PARD6G: variants seen among roughly 807,000 people sequenced by gnomAD.
The protein encoded by PARD6G is par-6 family cell polarity regulator gamma.
Under a neutral mutation model 10.7 loss-of-function variants are expected in PARD6G, and 7 were observed. The ratio of observed to expected loss-of-function variants is 0.66; its 90% CI spans 0.37 to 1.23. The LOEUF (loss-of-function observed/expected upper bound fraction) is 1.23. Ranked by LOEUF, PARD6G falls within the 50% of genes most tolerant of loss-of-function variation. The pLI, the probability that PARD6G is intolerant of heterozygous loss-of-function variation, is 0.02. For missense variants in PARD6G, 548 were observed against 571.8 expected, an observed-to-expected ratio of 0.96 and a Z score of 0.42; for synonymous variants, 287 against 269.4, an observed-to-expected ratio of 1.07 and a Z score of -0.64.
intron 1 of PARD6G, among the ~76,000 whole-genome samples, chr18:80,227,613 C>G (rs1223886046): frequency 1.3e-5 from 2 of 152,262 alleles, no homozygotes; most frequent in East Asian, 1.9e-4. Flanking sequence ...CAGCTCCCTT[C>G]TTCTGGTCAA....
rs969882633 is a variant in PARD6G, at chr18:80,189,764, G to A, written c.295+12946C>T. 1.3e-5 allele frequency among the ~76,000 whole-genome samples: 2 copies of A among 152,124 alleles called. No individual in the cohort carries two copies. The highest frequency in any genetic ancestry group is 6.5e-5 in the Admixed American group (1 of 15,282). On this transcript the variant is annotated intron_variant, in intron 2 of 2. Transcript: ENST00000353265. The surrounding 1 kb of genome is among the most constrained non-coding windows in gnomAD (Gnocchi z 5.5). ...ATGAGACCCGACCTCTCCTTCCAGA[G>A]AGAAGGTCAAGCACCAAGCAGAACT...
intron 1 of PARD6G, among the ~76,000 whole-genome samples, chr18:80,239,082 T>TA (rs1280526730): frequency 6.6e-6 from 1 of 152,132 alleles, no homozygotes; most frequent in Non-Finnish European, 1.5e-5. Flanking sequence ...CCTCCCCTCT[T>TA]AGACTCCTCT....
chr18:80,159,835 G>T lies in PARD6G; in HGVS notation c.1067C>A (p.Pro356His). 6.7e-7 allele frequency: 1 copy of T among 1,491,598 alleles called. No homozygotes were observed. The allele number at this position is 1,491,598 out of a possible 1,614,324, so 92.4% of individuals were successfully genotyped here. The change falls in exon 3 of 3, where the codon CCC (proline) becomes CAC (histidine). Residue 356 changes from proline to histidine, a missense_variant. Around this residue, in one of 2 missense-constraint regions of PARD6G, gnomAD observed 313 missense variants for 279.9 expected, o/e 1.12. Coordinates refer to ENST00000353265, the MANE Select transcript of PARD6G (RefSeq NM_032510.4). ...TGGCGGCAGCGCCAGGCTGTGACGG[G>T]GGTCGGCCCGCAGGGAGCTGAGCAG... ...QRLLSSLRADPRHSLALPPGG... is the reference protein window; with the variant it reads ...QRLLSSLRADHRHSLALPPGG...
At chr18:80,169,383 T>G (rs917577494) in intron 2 of PARD6G, 3 of 152,280 alleles carry the variant, frequency 2.0e-5, no homozygotes, top group Non-Finnish European at 4.4e-5. Flanking sequence ...CAGCACTGCT[T>G]TGCCTCCCTT....
chr18:80,243,868 G>A (rs1967515043), intron 1 of PARD6G, among the ~76,000 whole-genome samples: 1 of 152,164 alleles, frequency 6.6e-6, no homozygotes, highest in African/African-American at 2.4e-5. Flanking sequence ...CCGAGGGCAT[G>A]AGCAGCGGGC....
chr18:80,186,690 C>A (rs905255691), intron 2 of PARD6G, among the ~76,000 whole-genome samples: 2 of 152,182 alleles, frequency 1.3e-5, no homozygotes, highest in Non-Finnish European at 2.9e-5. Context: ...CAAGCAAGTG[C>A]TAATCAGCAT....
At chr18:80,226,711 C>T (rs1298463828) in intron 1 of PARD6G, among the ~76,000 whole-genome samples, 3 of 152,054 alleles carry the variant, frequency 2.0e-5, no homozygotes, top group Non-Finnish European at 2.9e-5. Flanking sequence ...TTATAATGTG[C>T]CCCCAGAGAT....
rs181845891 is a variant in PARD6G, at chr18:80,158,736, T to C, written c.*1035A>G. On this transcript the variant is annotated 3_prime_UTR_variant, in exon 3 of 3. Coordinates refer to ENST00000353265, the MANE Select transcript of PARD6G (RefSeq NM_032510.4). ...GGTGGCATGTGCCTGTCCCAGCTCCTTGGGAGGCTGAGGCAGGAGAATTGC... is the reference window on the plus strand; with the variant it reads ...GGTGGCATGTGCCTGTCCCAGCTCCCTGGGAGGCTGAGGCAGGAGAATTGC... 2.4e-3 allele frequency: 362 copies of C among 152,540 alleles called. 1 individual carries two copies. Among genetic ancestry groups the C allele is most frequent in the Non-Finnish European group, 3.8e-3 (259 of 68,312 alleles). The allele number at this position is 152,540 out of a possible 1,614,324, so 9.4% of individuals were successfully genotyped here.
chr18:80,176,782 C>T (rs1353760613), intron 2 of PARD6G, among the ~76,000 whole-genome samples: 2 of 152,162 alleles, frequency 1.3e-5, no homozygotes, highest in Non-Finnish European at 2.9e-5. Context: ...TCCCTGGTGC[C>T]GCGGCGGCCA....
In PARD6G at chr18:80,189,050, G is replaced by C. The variant is rs779893560; in HGVS notation, c.295+13660C>G. 2.0e-5 allele frequency among the ~76,000 whole-genome samples: 3 copies of C among 152,200 alleles called. No homozygotes were observed. The highest frequency in any genetic ancestry group is 2.9e-5 in the Non-Finnish European group (2 of 68,040). On this transcript the variant is annotated intron_variant, in intron 2 of 2. Coordinates refer to ENST00000353265, the MANE Select transcript of PARD6G (RefSeq NM_032510.4). This position sits in a 1 kb window ranked among gnomAD's most constrained non-coding sequence, Gnocchi z 5.5. ...ACCCAGTTCTAGGGGCTGCCCACGT[G>C]TCACTTCCACCCCAGATCTGGCTTC... is the stretch of plus-strand genomic sequence containing the variant.
intron 2 of PARD6G, among the ~76,000 whole-genome samples, chr18:80,179,223 ATT>A (rs34650022): frequency 0.19 from 27,055 of 139,158 alleles, 2,622 homozygotes; most frequent in Middle Eastern, 0.28. Context: ...GGCTGCAGTC[ATT>A]TTTTTTTTTT....
At chr18:80,204,384 A>G (rs1967036561) in intron 1 of PARD6G, among the ~76,000 whole-genome samples, 1 of 152,090 alleles carries the variant, frequency 6.6e-6, no homozygotes, top group Admixed American at 6.5e-5. Flanking sequence ...CTGCATTTTA[A>G]CAAGTTCCTG....
chr18:80,160,454 C>A lies in PARD6G; in HGVS notation c.448G>T (p.Asp150Tyr). The A allele has an allele frequency of 6.3e-7, 1 of 1,576,390 alleles. No homozygotes were observed. Among genetic ancestry groups the A allele is most frequent in the Non-Finnish European group, 8.6e-7 (1 of 1,161,046 alleles). Residue 150 changes from aspartate (D) to tyrosine (Y), a missense_variant, in exon 3 of 3, where the codon GAC becomes TAC. Physicochemically the swap from Asp to Tyr is radical, Grantham distance 160 (BLOSUM62 -3). Around this residue, in one of 2 missense-constraint regions of PARD6G, gnomAD observed 235 missense variants for 291.9 expected, o/e 0.81. Coordinates refer to ENST00000353265, the MANE Select transcript of PARD6G (RefSeq NM_032510.4). The stretch of plus-strand genomic sequence containing the variant: ...CGCCGGTGCGTCTCGGGGACCAGGT[C>A]CACATCGATGATGGATGATACGGGG... ...FRPVSSIIDV[D>Y]LVPETHRRVR...
intron 1 of PARD6G, among the ~76,000 whole-genome samples, chr18:80,225,016 A>G (rs1448476385): frequency 6.6e-6 from 1 of 152,038 alleles, no homozygotes; most frequent in Non-Finnish European, 1.5e-5. Flanking sequence ...ACCACTGAAA[A>G]CATAGTCCCC....
chr18:80,193,609 T>G (rs994770455), intron 2 of PARD6G, among the ~76,000 whole-genome samples: 2 of 152,202 alleles, frequency 1.3e-5, no homozygotes, highest in Non-Finnish European at 2.9e-5. Flanking sequence ...GCCCCTAAAC[T>G]ATATACCTAA....
Position 80,160,005 on chromosome 18 carries a change from G to A in PARD6G, c.897C>T (p.Asn299=). ...HPDEAESDED[N]DVVIEGTLEP... Reference sequence around the variant, plus strand: ...CCAGTGTGCCCTCGATGACGACGTCGTTGTCCTCATCGCTCTCCGCCTCGT... The same window carrying A: ...CCAGTGTGCCCTCGATGACGACGTCATTGTCCTCATCGCTCTCCGCCTCGT... The change falls in exon 3 of 3, where the codon AAC becomes AAT. Residue 299 remains asparagine (N), a synonymous_variant. Transcript: ENST00000353265. 1.3e-6 allele frequency: 2 copies of A among 1,525,632 alleles called. No homozygotes were observed. Among genetic ancestry groups the A allele is most frequent in the Non-Finnish European group, 1.7e-6 (2 of 1,143,642 alleles). 94.5% of individuals were successfully genotyped at this position (1,525,632 alleles called of 1,614,324 possible). A position where few individuals can be genotyped will look rare whatever the true frequency, so the allele number is the denominator to read the frequency against.
At chr18:80,234,156 TTTCA>T (rs146948743) in intron 1 of PARD6G, among the ~76,000 whole-genome samples, 3,866 of 152,222 alleles carry the variant, frequency 0.025, 154 homozygotes, top group African/African-American at 0.088. Context: ...ATTGTCCAAC[TTTCA>T]TTGTACACAA....
In PARD6G at chr18:80,175,645, G is replaced by A. The variant is rs138555434; in HGVS notation, c.296-15039C>T. Among the ~76,000 whole-genome samples, 563 of 152,306 alleles carry A rather than the reference G, an allele frequency of 3.7e-3. 4 individuals are homozygous for A. Among genetic ancestry groups the A allele is most frequent in the Non-Finnish European group, 6.9e-3 (466 of 68,028 alleles). ...TGTTCCGTAATTGTTCTCTTGCTGA[G>A]TGTATCTGAGTCACGTTCTCTGTCA... On this transcript the variant is annotated intron_variant, in intron 2 of 2. Transcript: ENST00000353265. This position sits in a 1 kb window ranked among gnomAD's most constrained non-coding sequence, Gnocchi z 6.7.
In PARD6G at chr18:80,195,469, G is replaced by A. The variant is rs1031444658; in HGVS notation, c.295+7241C>T. Among the ~76,000 whole-genome samples, 9 of 148,200 alleles carry A rather than the reference G, an allele frequency of 6.1e-5. No homozygotes were observed. The East Asian group carries it at 8.0e-4, about 13-fold the overall frequency. On this transcript the variant is annotated intron_variant, in intron 2 of 2. Transcript: ENST00000353265. ...CTGCACCTCAGGCCAGACCCTTGCC[G>A]GCCTTCACTGCAGCATTCAAGAGGG...
Sources: gnomAD v4.1 joint callset for allele counts (sites outside exome capture counted in the v4.1 genomes callset) on GRCh38, gnomAD v4.1.1 for gene constraint, gnomAD v4.1.1 regional missense constraint, Gnocchi (gnomAD v3.1) non-coding constraint, MANE v1.5 for transcripts, NCBI Gene and HGNC (gene_info 2026-07-23, HGNC 2026-07-21) for gene names.